Variants in RAB30 observed in about 807,000 individuals in gnomAD.
The protein encoded by RAB30 is ras-related protein Rab-30.
In RAB30, 9 loss-of-function variants were observed where a neutral mutation model predicts 25.1. The ratio of observed to expected loss-of-function variants is 0.36; its 90% CI spans 0.22 to 0.63. The LOEUF is 0.63. Ranked by LOEUF, RAB30 falls within the 20% of genes least tolerant of loss-of-function variation. The pLI is 0.69. For missense variants in RAB30, 140 were observed against 243.5 expected, an observed-to-expected ratio of 0.58 and a Z score of 2.83; for synonymous variants, 77 against 86.4, an observed-to-expected ratio of 0.89 and a Z score of 0.60.
chr11:83,063,560 C>T (rs915081497), intron 1 of RAB30, among the ~76,000 whole-genome samples: 30 of 152,170 alleles, frequency 2.0e-4, no homozygotes, highest in African/African-American at 7.0e-4. Context: ...ATTTACACAT[C>T]AACTTTTATT....
chr11:83,001,552 G>A (rs1244028683), intron 1 of RAB30, among the ~76,000 whole-genome samples: 4 of 152,112 alleles, frequency 2.6e-5, no homozygotes, highest in African/African-American at 9.7e-5. Flanking sequence ...GTGTAAAGCT[G>A]GACTGTAAAC....
intron 1 of RAB30, among the ~76,000 whole-genome samples, chr11:83,031,622 G>A (rs955598083): frequency 6.6e-6 from 1 of 151,826 alleles, no homozygotes; most frequent in African/African-American, 2.4e-5. Context: ...CCGTTTCCCG[G>A]GTTCAAGCGA....
chr11:83,028,939 A>G (rs966065657), intron 1 of RAB30, among the ~76,000 whole-genome samples: 1 of 152,142 alleles, frequency 6.6e-6, no homozygotes, highest in Non-Finnish European at 1.5e-5. Flanking sequence ...TGAGAGGATC[A>G]CTTGAGCCCA....
At chr11:83,002,272 A>T (rs1857103131) in intron 1 of RAB30, among the ~76,000 whole-genome samples, 1 of 152,184 alleles carries the variant, frequency 6.6e-6, no homozygotes, top group Non-Finnish European at 1.5e-5. Flanking sequence ...CCAGACACTG[A>T]CTTCAGATTA....
At chr11:83,058,911 T>G (rs943755911) in intron 1 of RAB30, among the ~76,000 whole-genome samples, 1 of 152,234 alleles carries the variant, frequency 6.6e-6, no homozygotes, top group African/African-American at 2.4e-5. Flanking sequence ...AGCATCCCTC[T>G]GTCTCCTGAC....
chr11:82,985,136 G>A (rs920354243), intron 4 of RAB30, among the ~76,000 whole-genome samples: 4 of 151,974 alleles, frequency 2.6e-5, no homozygotes, highest in Non-Finnish European at 5.9e-5. Flanking sequence ...CTAATTTTTT[G>A]TATATTTTAG....
At chr11:82,986,562 G>C (rs1462831717) in intron 4 of RAB30, among the ~76,000 whole-genome samples, 1 of 152,200 alleles carries the variant, frequency 6.6e-6, no homozygotes, top group African/African-American at 2.4e-5. Flanking sequence ...GGGTTTTACA[G>C]GGAGCACTAG....
At chr11:83,058,512 A>G (rs1229088696) in intron 1 of RAB30, among the ~76,000 whole-genome samples, 1 of 152,136 alleles carries the variant, frequency 6.6e-6, no homozygotes, top group African/African-American at 2.4e-5. Flanking sequence ...ATGTTTCTCA[A>G]TTTTGGTTTA....
Position 83,026,402 on chromosome 11 carries a change from C to G in RAB30, c.-8-29078G>C, listed in dbSNP as rs1036598058. Among the ~76,000 whole-genome samples, 3 of 152,174 alleles carry G rather than the reference C, an allele frequency of 2.0e-5. No individual in the cohort carries two copies. The East Asian group carries it at 5.8e-4, about 29-fold the overall frequency. ...CATCATGAATGGTTAGCACCATCCC[C>G]TTGGTGATGAGTGAATTCTGGCTCC... On this transcript the variant is annotated intron_variant, in intron 1 of 4. Coordinates refer to ENST00000527633, the MANE Select transcript of RAB30 (RefSeq NM_001286060.2).
rs530564986 is a variant in RAB30, at chr11:83,054,236, C to A, written c.-9+17455G>T. Among the ~76,000 whole-genome samples the A allele has an allele frequency of 1.1e-4, 16 of 152,286 alleles. 1 individual carries two copies. The highest frequency in any genetic ancestry group is 3.9e-4 in the African/African-American group (16 of 41,548). ...GGGTCAGGTGCCCCTCCTCTATGCT[C>A]CAGTAGTTATCTCTATGTACACTGC... On this transcript the variant is annotated intron_variant, in intron 1 of 4. Coordinates refer to ENST00000527633, the MANE Select transcript of RAB30 (RefSeq NM_001286060.2).
At chr11:82,985,280 A>T (rs1485585637) in intron 4 of RAB30, among the ~76,000 whole-genome samples, 1 of 152,206 alleles carries the variant, frequency 6.6e-6, no homozygotes, top group Non-Finnish European at 1.5e-5. Flanking sequence ...AATCTATTTA[A>T]ATCTATAAAT....
rs1856562583 is a variant in RAB30 at position 82,977,352 on chromosome 11, A to G, written c.*4813T>C. The G allele has an allele frequency of 6.6e-6, 1 of 152,236 alleles. No individual in the cohort carries two copies. The highest frequency in any genetic ancestry group is 6.5e-5 in the Admixed American group (1 of 15,278). The allele number at this position is 152,236 out of a possible 1,614,324, so 9.4% of individuals were successfully genotyped here. On this transcript the variant is annotated 3_prime_UTR_variant, in exon 5 of 5. Transcript: ENST00000527633. ...ACTTGTGGCAGAAGAACGAGGCCCC[A>G]TTAAAAAAATCATTAGCTATGAATT...
chr11:83,051,844 C>A (rs1042243549), intron 1 of RAB30, among the ~76,000 whole-genome samples: 1 of 152,328 alleles, frequency 6.6e-6, no homozygotes, highest in South Asian at 2.1e-4. Context: ...ATAGCCAGCT[C>A]TGCTGTCCCA....
At chr11:83,040,626 T>C (rs936531747) in intron 1 of RAB30, among the ~76,000 whole-genome samples, 3 of 152,138 alleles carry the variant, frequency 2.0e-5, no homozygotes, top group African/African-American at 7.2e-5. Context: ...TAACACTATT[T>C]TGAACTTAAA....
At chr11:83,054,617 T>C (rs1858419499) in intron 1 of RAB30, among the ~76,000 whole-genome samples, 1 of 151,818 alleles carries the variant, frequency 6.6e-6, no homozygotes, top group South Asian at 2.1e-4. Context: ...TCCTAGTTAC[T>C]GGAGAGGCCA....
At chr11:82,997,543 T>C (rs1226338458) in intron 1 of RAB30, 1 of 489,736 alleles carries the variant, frequency 2.0e-6, no homozygotes, top group African/African-American at 1.9e-5. Context: ...AGAGAATAAA[T>C]GACGCAGATG....
At chr11:82,989,539 C>T (rs965397005) in intron 3 of RAB30, among the ~76,000 whole-genome samples, 19 of 152,208 alleles carry the variant, frequency 1.2e-4, no homozygotes, top group Non-Finnish European at 2.8e-4. Context: ...AACCTAGGGA[C>T]ACGGTTCCCC....
intron 1 of RAB30, among the ~76,000 whole-genome samples, chr11:83,037,562 T>A (rs931848927): frequency 7.2e-5 from 11 of 152,178 alleles, no homozygotes; most frequent in South Asian, 4.2e-4. Context: ...ATGAATTTTT[T>A]AAAAAATAAT....
At chr11:83,011,620 G>A (rs12292408) in intron 1 of RAB30, among the ~76,000 whole-genome samples, 5,351 of 152,190 alleles carry the variant, frequency 0.035, 329 homozygotes, top group African/African-American at 0.12. Context: ...AAAACAAGAA[G>A]ATACAATGAT....
Sources: gnomAD v4.1 joint callset for allele counts (sites outside exome capture counted in the v4.1 genomes callset) on GRCh38, gnomAD v4.1.1 for gene constraint, MANE v1.5 for transcripts, NCBI Gene and HGNC (gene_info 2026-07-23, HGNC 2026-07-21) for gene names.